The following ZFHX3 variants were observed in gnomAD, a reference collection of about 807,000 sequenced individuals.
ZFHX3 encodes zinc finger homeobox 3, also known as zinc finger homeobox protein 3.
In ZFHX3, 42 loss-of-function variants were observed where a neutral mutation model predicts 279.1. That is an observed-to-expected ratio of 0.15 (90% CI 0.12 to 0.19). The LOEUF (loss-of-function observed/expected upper bound fraction) is 0.19, where lower values mean the gene tolerates loss of function less well. Ranked by LOEUF, ZFHX3 falls within the 10% of genes least tolerant of loss-of-function variation. ZFHX3 has a pLI of 1.00. For missense variants in ZFHX3, 4,981 were observed against 4,754.0 expected (o/e 1.05, Z -1.40); for synonymous variants, 2,293 against 1,957.8 (o/e 1.17, Z -4.52).
At chr16:73,125,643 G>A (rs1297147844) in intron 7 of ZFHX3, among the ~76,000 whole-genome samples, 1 of 152,040 alleles carries the variant, frequency 6.6e-6, no homozygotes, top group African/African-American at 2.4e-5. Context: ...CTCCTGTACT[G>A]GATGCTTCCT....
At chr16:73,275,929 G>A (rs1264683563) in intron 4 of ZFHX3, among the ~76,000 whole-genome samples, 4 of 152,084 alleles carry the variant, frequency 2.6e-5, no homozygotes, top group South Asian at 2.1e-4. Flanking sequence ...TTTATTCTAT[G>A]GACCGTATCC....
chr16:73,298,241 A>G (rs1250002936), intron 4 of ZFHX3, among the ~76,000 whole-genome samples: 2 of 147,582 alleles, frequency 1.4e-5, no homozygotes, highest in Admixed American at 1.3e-4. Context: ...TTTTATATGG[A>G]GCTTGATCTC....
chr16:73,293,935 C>T (rs532111161), intron 4 of ZFHX3: 15 of 138,782 alleles, frequency 1.1e-4, no homozygotes, highest in South Asian at 4.7e-4. Context: ...TCAGATTCAA[C>T]GCTCACTAGA....
At chr16:72,844,495 C>CCAGCACA (rs1268547560) in intron 4 of ZFHX3, among the ~76,000 whole-genome samples, 1 of 152,136 alleles carries the variant, frequency 6.6e-6, no homozygotes, top group Admixed American at 6.5e-5. Context: ...ACATGCACCC[C>CCAGCACA]CAGCACACAG....
intron 1 of ZFHX3, among the ~76,000 whole-genome samples, chr16:73,696,202 A>T (rs2053196318): frequency 6.6e-6 from 1 of 152,222 alleles, no homozygotes. Flanking sequence ...ATGCTGGCCA[A>T]GGACCTGCAG....
chr16:72,901,610 C>T (rs145281829), intron 3 of ZFHX3, among the ~76,000 whole-genome samples: 235 of 152,306 alleles, frequency 1.5e-3, no homozygotes, highest in Middle Eastern at 6.8e-3. Flanking sequence ...ATCACTCTGG[C>T]TGATGCAGAC....
chr16:73,832,266 C>A (rs1258552618), intron 1 of ZFHX3, among the ~76,000 whole-genome samples: 1 of 151,948 alleles, frequency 6.6e-6, no homozygotes, highest in African/African-American at 2.4e-5. Context: ...GGCAGCAATC[C>A]ACCAGGGCTC....
In ZFHX3 at chr16:72,787,436, T is replaced by C. The variant is rs1360692135; in HGVS notation, c.10840A>G (p.Arg3614Gly). 2.5e-6 allele frequency: 3 copies of C among 1,180,058 alleles called. No individual in the cohort carries two copies. The African/African-American group carries it at 7.5e-5, about 29-fold the overall frequency. The allele number at this position is 1,180,058 out of a possible 1,614,324, so 73.1% of individuals were successfully genotyped here. ...GAGACCACTTGCGGCCAAGACTTCC[T>C]GGAGGCGTGGGGGGAAGCGGAGGAG... ...APSSASPHAS[R>G]KSWPQVVSRA... The change falls in exon 10 of 10, where the codon AGG (arginine) becomes GGG (glycine). Residue 3614 changes from arginine (R) to glycine (G), a missense_variant. By Grantham distance (125) the Arg-to-Gly change is moderately radical. Around this residue, in one of 7 missense-constraint regions of ZFHX3, gnomAD observed 1,034 missense variants for 786.0 expected, o/e 1.32. Coordinates refer to ENST00000268489, the MANE Select transcript of ZFHX3 (RefSeq NM_006885.4).
At chr16:72,950,026 T>A (rs1597002576) in intron 3 of ZFHX3, among the ~76,000 whole-genome samples, 2 of 131,052 alleles carry the variant, frequency 1.5e-5, no homozygotes. Context: ...GATGGATGGA[T>A]GAAAGAAGGA....
chr16:73,380,950 T>G (rs939383919), intron 3 of ZFHX3, among the ~76,000 whole-genome samples: 1 of 152,190 alleles, frequency 6.6e-6, no homozygotes, highest in Non-Finnish European at 1.5e-5. Context: ...TTGCTCTCTT[T>G]CAGTCCTAGA....
chr16:73,308,232 TA>T (rs2015229176), intron 4 of ZFHX3, among the ~76,000 whole-genome samples: 1 of 3,722 alleles, frequency 2.7e-4, no homozygotes, highest in Non-Finnish European at 8.4e-4. Flanking sequence ...TGCATATATA[TA>T]TATATATATA....
intron 1 of ZFHX3, among the ~76,000 whole-genome samples, chr16:72,976,098 G>A (rs1284306991): frequency 6.6e-6 from 1 of 152,196 alleles, no homozygotes; most frequent in African/African-American, 2.4e-5. Flanking sequence ...AAGAGGGGAA[G>A]CGTATTTGTG....
chr16:73,365,407 ATTGC>A (rs1459833739), intron 3 of ZFHX3, among the ~76,000 whole-genome samples: 1 of 152,208 alleles, frequency 6.6e-6, no homozygotes, highest in Non-Finnish European at 1.5e-5. Context: ...GAGTCTAGAC[ATTGC>A]TGGGGCTTGA....
intron 2 of ZFHX3, among the ~76,000 whole-genome samples, chr16:73,578,430 G>T (rs1019608784): frequency 1.3e-5 from 2 of 151,900 alleles, no homozygotes; most frequent in African/African-American, 4.8e-5. Flanking sequence ...AATATGTTTG[G>T]GAAACTTTGA....
rs912647120 is a variant in ZFHX3 at position 73,317,425 on chromosome 16, G to A, written c.-1194+815C>T. 2.0e-5 allele frequency among the ~76,000 whole-genome samples: 3 copies of A among 152,128 alleles called. No individual in the cohort carries two copies. The East Asian group carries it at 5.8e-4, about 29-fold the overall frequency. On this transcript the variant is annotated intron_variant, in intron 4 of 17. Coordinates refer to the ZFHX3 transcript ENST00000641206. Reference sequence around the variant, plus strand: ...TTCCCCCACTCTAAGTTTATTTATTGTGGCTATTTTACCAGCTATTGGCTC... The same window carrying A: ...TTCCCCCACTCTAAGTTTATTTATTATGGCTATTTTACCAGCTATTGGCTC...
At chr16:73,669,259 G>A (rs2052877737) in intron 2 of ZFHX3, among the ~76,000 whole-genome samples, 1 of 152,048 alleles carries the variant, frequency 6.6e-6, no homozygotes, top group Non-Finnish European at 1.5e-5. Context: ...TCACCATGTT[G>A]GCCAGGCTTG....
At chr16:72,999,851 A>G (rs1963430435) in intron 1 of ZFHX3, among the ~76,000 whole-genome samples, 1 of 152,200 alleles carries the variant, frequency 6.6e-6, no homozygotes, top group South Asian at 2.1e-4. Flanking sequence ...TATCTGGTGG[A>G]GTGGAGGACA....
chr16:73,427,616 G>A (rs904997572), intron 3 of ZFHX3, among the ~76,000 whole-genome samples: 1 of 152,156 alleles, frequency 6.6e-6, no homozygotes, highest in African/African-American at 2.4e-5. Context: ...CCTACCAGCA[G>A]CAACAGTAGC....
chr16:73,593,158 G>C (rs546337190), intron 2 of ZFHX3, among the ~76,000 whole-genome samples: 1 of 152,146 alleles, frequency 6.6e-6, no homozygotes, highest in South Asian at 2.1e-4. Flanking sequence ...GAAACTGAAG[G>C]CTTCAATGGC....
Sources: gnomAD v4.1 joint callset for allele counts (sites outside exome capture counted in the v4.1 genomes callset) on GRCh38, gnomAD v4.1.1 for gene constraint, gnomAD v4.1.1 regional missense constraint, MANE v1.5 for transcripts, NCBI Gene and HGNC (gene_info 2026-07-23, HGNC 2026-07-21) for gene names.